Variants in SUGCT observed in about 807,000 individuals in gnomAD.
SUGCT encodes the protein succinyl-CoA:glutarate CoA-transferase.
SUGCT carries 41 observed loss-of-function variants against 55.0 expected under a neutral mutation model. The observed-to-expected ratio is 0.74, with a 90% CI of 0.58 to 0.97. The LOEUF is 0.97. Ranked by LOEUF, SUGCT falls within the 50% of genes least tolerant of loss-of-function variation. SUGCT has a pLI of 0.00. For synonymous variants in SUGCT, 187 were observed against 200.4 expected (o/e 0.93, Z 0.56); for missense variants, 568 against 547.8 (o/e 1.04, Z -0.37).
the SUGCT span, among the ~76,000 whole-genome samples, chr7:40,976,223 A>G: frequency 1.3e-5 from 2 of 152,302 alleles, no homozygotes; most frequent in South Asian, 4.1e-4. Context: ...TTTTTCCAAT[A>G]TCACCTCCTG....
chr7:40,646,624 A>G (rs1800526969), intron 12 of SUGCT, among the ~76,000 whole-genome samples: 1 of 152,126 alleles, frequency 6.6e-6, no homozygotes, highest in Non-Finnish European at 1.5e-5. Flanking sequence ...CTCCCGGGCC[A>G]GTCTTTCCCA....
At chr7:40,838,944 GTTT>G (rs74338520) in intron 13 of SUGCT, among the ~76,000 whole-genome samples, 2 of 129,952 alleles carry the variant, frequency 1.5e-5, no homozygotes, top group African/African-American at 2.9e-5. Flanking sequence ...TTTGGTGAGA[GTTT>G]TTTTTTTTTT....
At chr7:40,543,945 C>A (rs141993795) in intron 12 of SUGCT, among the ~76,000 whole-genome samples, 1 of 152,086 alleles carries the variant, frequency 6.6e-6, no homozygotes, top group African/African-American at 2.4e-5. Context: ...AAAACAGAAG[C>A]CTGTTTTCAG....
the SUGCT span, among the ~76,000 whole-genome samples, chr7:40,904,402 A>G: frequency 6.6e-6 from 1 of 152,204 alleles, no homozygotes; most frequent in Non-Finnish European, 1.5e-5. Flanking sequence ...TGATAGTTTA[A>G]GGGACGTAAT....
the SUGCT span, among the ~76,000 whole-genome samples, chr7:40,915,411 GAGCCAGACAATTCAT>G: frequency 6.6e-6 from 1 of 152,162 alleles, no homozygotes; most frequent in Admixed American, 6.5e-5. Context: ...CCTAAAGGAG[GAGCCAGACAATTCAT>G]AGGAGGAATT....
the SUGCT span, chr7:40,965,622 A>G: frequency 6.6e-6 from 1 of 152,220 alleles, no homozygotes; most frequent in Non-Finnish European, 1.5e-5. Flanking sequence ...AAAGTACTAT[A>G]TATTCATACT....
At chr7:40,189,921 A>G (rs1057188078) in intron 5 of SUGCT, among the ~76,000 whole-genome samples, 1 of 152,216 alleles carries the variant, frequency 6.6e-6, no homozygotes, top group African/African-American at 2.4e-5. Flanking sequence ...TCTCATTTAC[A>G]TAAAAGGGAA....
At chr7:40,649,277 A>G (rs1800662161) in intron 12 of SUGCT, among the ~76,000 whole-genome samples, 1 of 152,154 alleles carries the variant, frequency 6.6e-6, no homozygotes, top group South Asian at 2.1e-4. Flanking sequence ...AAGTCAAGCA[A>G]ATTTAATTTT....
chr7:40,377,661 T>A (rs1784671789), intron 9 of SUGCT, among the ~76,000 whole-genome samples: 1 of 152,208 alleles, frequency 6.6e-6, no homozygotes, highest in African/African-American at 2.4e-5. Flanking sequence ...TGGTTGTCTT[T>A]TATATTTACC....
the SUGCT span, among the ~76,000 whole-genome samples, chr7:40,983,018 T>C: frequency 6.6e-6 from 1 of 152,226 alleles, no homozygotes; most frequent in Non-Finnish European, 1.5e-5. Context: ...CATTCTTAGG[T>C]ACATTATATG....
At chr7:40,629,350 A>G (rs1463838060) in intron 12 of SUGCT, among the ~76,000 whole-genome samples, 1 of 152,206 alleles carries the variant, frequency 6.6e-6, no homozygotes, top group Non-Finnish European at 1.5e-5. Context: ...GAGTGAGGGT[A>G]GATGCTCTCC....
chr7:40,950,906 G>T, the SUGCT span, among the ~76,000 whole-genome samples: 5 of 152,122 alleles, frequency 3.3e-5, no homozygotes, highest in Admixed American at 1.3e-4. Context: ...GGGGATATTG[G>T]ACTACAATTC....
chr7:40,681,131 T>C (rs1784220418), intron 12 of SUGCT, among the ~76,000 whole-genome samples: 1 of 152,108 alleles, frequency 6.6e-6, no homozygotes, highest in African/African-American at 2.4e-5. Flanking sequence ...GAATCTCCAG[T>C]GATTAGTGTG....
At chr7:40,688,736 T>C (rs1784566252) in intron 12 of SUGCT, among the ~76,000 whole-genome samples, 1 of 151,988 alleles carries the variant, frequency 6.6e-6, no homozygotes, top group African/African-American at 2.4e-5. Flanking sequence ...AATGTTTCTC[T>C]GCATGTTACA....
chr7:40,602,565 G>T (rs1043112000), intron 12 of SUGCT, among the ~76,000 whole-genome samples: 6 of 152,056 alleles, frequency 3.9e-5, no homozygotes, highest in African/African-American at 1.4e-4. Context: ...ATTCCTTCTG[G>T]ACCACAGACT....
intron 12 of SUGCT, among the ~76,000 whole-genome samples, chr7:40,573,460 A>G (rs1796561442): frequency 6.6e-6 from 1 of 151,760 alleles, no homozygotes; most frequent in Non-Finnish European, 1.5e-5. Flanking sequence ...GACTTAATCC[A>G]GTCTATTTTT....
At chr7:40,145,412 C>A (rs1019477335) in intron 1 of SUGCT, among the ~76,000 whole-genome samples, 4 of 152,040 alleles carry the variant, frequency 2.6e-5, no homozygotes, top group African/African-American at 9.7e-5. Context: ...AGCTTTCTCA[C>A]TTGTTGCAAC....
chr7:40,714,920 A>C (rs1244255917), intron 12 of SUGCT, among the ~76,000 whole-genome samples: 1 of 152,182 alleles, frequency 6.6e-6, no homozygotes, highest in Non-Finnish European at 1.5e-5. Flanking sequence ...GGGTAGTGCC[A>C]CTTCTGACCC....
chr7:40,739,668 T>C (rs1041542625), intron 12 of SUGCT, among the ~76,000 whole-genome samples: 1 of 152,182 alleles, frequency 6.6e-6, no homozygotes, highest in African/African-American at 2.4e-5. Context: ...AAGGCTGTAT[T>C]ACTTCCTCTA....
Sources: gnomAD v4.1 joint callset for allele counts (sites outside exome capture counted in the v4.1 genomes callset) on GRCh38, gnomAD v4.1.1 for gene constraint, MANE v1.5 for transcripts, NCBI Gene and HGNC (gene_info 2026-07-23, HGNC 2026-07-21) for gene names.